The following CCDC148 variants were observed in gnomAD, a reference collection of about 807,000 sequenced individuals.
The protein encoded by CCDC148 is coiled-coil domain-containing protein 148.
Under a neutral mutation model 85.7 loss-of-function variants are expected in CCDC148, and 89 were observed. That is an observed-to-expected ratio of 1.04 (90% CI 0.87 to 1.24). The LOEUF is 1.24. Among genes scored for constraint, CCDC148 ranks in the 50% most tolerant of loss-of-function variants. The pLI, the probability that CCDC148 is intolerant of heterozygous loss-of-function variation, is 0.00. For synonymous variants in CCDC148, 230 were observed against 213.9 expected, an observed-to-expected ratio of 1.08 and a Z score of -0.66; for missense variants, 692 against 671.7, an observed-to-expected ratio of 1.03 and a Z score of -0.33.
intron 7 of CCDC148, among the ~76,000 whole-genome samples, chr2:158,325,920 G>A (rs990978852): frequency 3.3e-5 from 5 of 152,048 alleles, no homozygotes; most frequent in African/African-American, 9.7e-5. Context: ...ATATCTTCTT[G>A]CACTTCTACC....
chr2:158,342,021 CT>C (rs71404402), intron 3 of CCDC148, among the ~76,000 whole-genome samples: 5 of 85,624 alleles, frequency 5.8e-5, no homozygotes, highest in East Asian at 3.8e-4. Flanking sequence ...TCATTATTTT[CT>C]TTTCTTTTTT....
intron 5 of CCDC148, among the ~76,000 whole-genome samples, chr2:158,339,820 T>A (rs1682580821): frequency 6.6e-6 from 1 of 152,180 alleles, no homozygotes; most frequent in Non-Finnish European, 1.5e-5. Flanking sequence ...TGAGCTTTTA[T>A]GGCAAAGTGG....
intron 9 of CCDC148, among the ~76,000 whole-genome samples, chr2:158,281,454 G>A (rs570390429): frequency 1.2e-4 from 18 of 152,078 alleles, no homozygotes; most frequent in East Asian, 9.7e-4. Flanking sequence ...TATCACCACC[G>A]ATCCCACAGA....
intron 1 of CCDC148, among the ~76,000 whole-genome samples, chr2:158,415,888 T>C (rs903677696): frequency 1.3e-5 from 2 of 152,198 alleles, no homozygotes; most frequent in Non-Finnish European, 2.9e-5. Context: ...GGACTCTGTG[T>C]GGGGGCTCCA....
intron 1 of CCDC148, among the ~76,000 whole-genome samples, chr2:158,388,371 G>C (rs1054400163): frequency 6.6e-6 from 1 of 152,162 alleles, no homozygotes; most frequent in African/African-American, 2.4e-5. Flanking sequence ...GGGAGGAAAG[G>C]GTCACAGTAC....
At chr2:158,366,140 G>A (rs1459312858) in intron 1 of CCDC148, 1 of 1,158,984 alleles carries the variant, frequency 8.6e-7, no homozygotes, top group Non-Finnish European at 1.2e-6. Context: ...TTAAAGCTGT[G>A]TTACTTGAAG....
At chr2:158,424,341 G>C (rs960140466) in intron 1 of CCDC148, among the ~76,000 whole-genome samples, 1 of 152,130 alleles carries the variant, frequency 6.6e-6, no homozygotes, top group Non-Finnish European at 1.5e-5. Flanking sequence ...TGATAGACTG[G>C]ATTAAGAAAA....
At chr2:158,419,002 G>A (rs1445538038) in intron 1 of CCDC148, among the ~76,000 whole-genome samples, 2 of 152,104 alleles carry the variant, frequency 1.3e-5, no homozygotes. Context: ...GGCTTTGCAT[G>A]CTGTATTTCA....
chr2:158,263,412 T>G (rs1382522717), intron 9 of CCDC148, among the ~76,000 whole-genome samples: 1 of 152,000 alleles, frequency 6.6e-6, no homozygotes, highest in Non-Finnish European at 1.5e-5. Context: ...ATTAAAAAGT[T>G]TATTAACCAC....
chr2:158,240,452 T>TCTCTCACACA lies in CCDC148; in HGVS notation c.1251+10319_1251+10320insTGTGTGAGAG, dbSNP rs941238898. ...CTCTCTCTTTCTCTCTCTCTCTCTC[T>TCTCTCACACA]CACACACACACACACACACACACAC... On this transcript the variant is annotated intron_variant, in intron 10 of 13. Coordinates refer to ENST00000283233, the MANE Select transcript of CCDC148 (RefSeq NM_138803.4). 1.8e-3 allele frequency among the ~76,000 whole-genome samples: 215 copies of TCTCTCACACA among 120,532 alleles called. 1 individual carries two copies. Among genetic ancestry groups the TCTCTCACACA allele is most frequent in the South Asian group, 9.7e-3 (30 of 3,106 alleles). The allele number at this position is 120,532 out of a possible 152,430, so 79.1% of individuals were successfully genotyped here.
chr2:158,262,235 ATTATCC>A (rs1231670916), intron 9 of CCDC148, among the ~76,000 whole-genome samples: 1 of 152,082 alleles, frequency 6.6e-6, no homozygotes, highest in East Asian at 1.9e-4. Context: ...GCTGGAGGGT[ATTATCC>A]TTAGCAAACT....
chr2:158,175,800 C>T (rs1684550518), intron 13 of CCDC148, among the ~76,000 whole-genome samples: 1 of 151,974 alleles, frequency 6.6e-6, no homozygotes, highest in South Asian at 2.1e-4. Flanking sequence ...TTTAGCTTCT[C>T]TCCTTAGATT....
At chr2:158,350,261 G>C (rs1293740698) in intron 2 of CCDC148, among the ~76,000 whole-genome samples, 1 of 152,066 alleles carries the variant, frequency 6.6e-6, no homozygotes, top group African/African-American at 2.4e-5. Flanking sequence ...TTCATAATGA[G>C]TCTATCACCA....
At chr2:158,354,599 C>G (rs1279939826) in intron 2 of CCDC148, among the ~76,000 whole-genome samples, 1 of 152,002 alleles carries the variant, frequency 6.6e-6, no homozygotes, top group Non-Finnish European at 1.5e-5. Flanking sequence ...GCTTACCAAC[C>G]AAAAAGAGTC....
rs186583736 is a variant in CCDC148 at position 158,441,856 on chromosome 2, A to T, written c.25+14559T>A. ...CAATATTATTTTCTAAGTACCATTG[A>T]ATTTTAACTTTTTACCAGCAAAAAT... On this transcript the variant is annotated intron_variant, in intron 1 of 13. Transcript: ENST00000283233. Among the ~76,000 whole-genome samples, 3 of 152,254 alleles carry T rather than the reference A, an allele frequency of 2.0e-5. No homozygotes were observed. The East Asian group carries it at 5.8e-4, about 29-fold the overall frequency.
chr2:158,197,782 A>C (rs1685751688), intron 11 of CCDC148, among the ~76,000 whole-genome samples: 1 of 152,118 alleles, frequency 6.6e-6, no homozygotes, highest in Non-Finnish European at 1.5e-5. Flanking sequence ...GTTTCTATAC[A>C]AGTTTCTTCC....
chr2:158,363,920 G>A (rs545428596), intron 1 of CCDC148, among the ~76,000 whole-genome samples: 20 of 152,256 alleles, frequency 1.3e-4, no homozygotes, highest in African/African-American at 2.9e-4. Context: ...AAACCCCATC[G>A]TCTCAGCCCA....
At chr2:158,436,858 A>T (rs1687678924) in intron 1 of CCDC148, among the ~76,000 whole-genome samples, 1 of 152,246 alleles carries the variant, frequency 6.6e-6, no homozygotes, top group African/African-American at 2.4e-5. Flanking sequence ...CCTCTACGGA[A>T]ATAAACTAGA....
chr2:158,237,710 A>G (rs1389243235), intron 10 of CCDC148, among the ~76,000 whole-genome samples: 12 of 152,198 alleles, frequency 7.9e-5, no homozygotes, highest in African/African-American at 2.9e-4. Flanking sequence ...GGCCAAAGGT[A>G]TGAATTGGTA....
Sources: gnomAD v4.1 joint callset for allele counts (sites outside exome capture counted in the v4.1 genomes callset) on GRCh38, gnomAD v4.1.1 for gene constraint, MANE v1.5 for transcripts, NCBI Gene and HGNC (gene_info 2026-07-23, HGNC 2026-07-21) for gene names.